ZNF208: variants seen among roughly 807,000 people sequenced by gnomAD.
ZNF208 encodes zinc finger protein 95.
A neutral mutation model predicts 12.1 loss-of-function variants in ZNF208; 10 were observed. The ratio of observed to expected loss-of-function variants is 0.83; its 90% confidence interval spans 0.51 to 1.40. The LOEUF (loss-of-function observed/expected upper bound fraction) is 1.40. ZNF208 is among the 40% of genes most tolerant of loss of function. ZNF208 has a pLI of 0.00. For missense variants in ZNF208, 1,652 were observed against 1,485.0 expected (o/e 1.11, Z -1.85); for synonymous variants, 497 against 488.4 (o/e 1.02, Z -0.23).
chr19:22,000,849 T>TA (rs531039337), intron 1 of ZNF208, among the ~76,000 whole-genome samples: 2 of 151,118 alleles, frequency 1.3e-5, no homozygotes, highest in Admixed American at 6.6e-5. Context: ...CAATTAGAAA[T>TA]AAAAAAAAGA....
intron 4 of ZNF208, among the ~76,000 whole-genome samples, chr19:21,948,441 G>A (rs2145514071): frequency 6.6e-6 from 1 of 152,226 alleles, no homozygotes; most frequent in South Asian, 2.1e-4. Flanking sequence ...AAACCCTTGG[G>A]GAACCCTAAA....
At chr19:21,988,648 C>T (rs1463167206) in intron 2 of ZNF208, 135 bp downstream of exon 2, 3 of 1,549,154 alleles carry the variant, frequency 1.9e-6, no homozygotes, top group Non-Finnish European at 2.6e-6. Flanking sequence ...AGGCCCCTGA[C>T]CCCTTCTTCC....
At chr19:21,991,283 A>G (rs1970729107) in intron 1 of ZNF208, among the ~76,000 whole-genome samples, 2 of 152,190 alleles carry the variant, frequency 1.3e-5, no homozygotes, top group African/African-American at 2.4e-5. Context: ...GCATCCCATC[A>G]ATACCTAATT....
chr19:21,986,062 T>G (rs532901155), intron 3 of ZNF208, among the ~76,000 whole-genome samples: 1 of 152,274 alleles, frequency 6.6e-6, no homozygotes, highest in South Asian at 2.1e-4. Flanking sequence ...CTGAAACCAG[T>G]TTATAAAAAC....
chr19:21,947,511 C>T (rs1299677244), intron 4 of ZNF208, among the ~76,000 whole-genome samples: 1 of 152,182 alleles, frequency 6.6e-6, no homozygotes, highest in Non-Finnish European at 1.5e-5. Context: ...CTTGTCAATG[C>T]TCCCTCCAAA....
intron 3 of ZNF208, among the ~76,000 whole-genome samples, chr19:21,985,336 G>A (rs537755624): frequency 1.3e-5 from 2 of 152,154 alleles, no homozygotes; most frequent in Non-Finnish European, 2.9e-5. Context: ...CAGCAACATG[G>A]TACAGTAAGG....
chr19:21,973,398 T>A lies in ZNF208; in HGVS notation c.1636A>T (p.Ile546Phe), dbSNP rs758323037. The A allele has an allele frequency of 1.9e-6, 3 of 1,612,296 alleles. No individual in the cohort carries two copies. The highest frequency in any genetic ancestry group is 2.5e-6 in the Non-Finnish European group (3 of 1,179,880). Reference protein sequence around the residue: ...TFSILTKHKVIHTGEKPYKCE... With the variant: ...TFSILTKHKVFHTGEKPYKCE... ...TTGTAGGGTTTCTCTCCAGTATGAATTACCTTATGTTTAGTAAGGATTGAG... is the reference window on the plus strand; with the variant it reads ...TTGTAGGGTTTCTCTCCAGTATGAAATACCTTATGTTTAGTAAGGATTGAG... Residue 546 changes from isoleucine to phenylalanine, a missense_variant, in exon 4 of 4, where the codon ATT (isoleucine) becomes TTT (phenylalanine). By Grantham distance (21) the Ile-to-Phe change is conservative. Coordinates refer to ENST00000397126, the MANE Select transcript of ZNF208 (RefSeq NM_007153.3).
At position 21,974,739 on chromosome 19, in the gene ZNF208, T is replaced by C; in HGVS notation, c.295A>G (p.Ile99Val). The change falls in exon 4 of 4, where the codon ATA (isoleucine) becomes GTA (valine). Residue 99 changes from isoleucine (I) to valine (V), a missense_variant. By Grantham distance (29) the Ile-to-Val change is conservative. This residue lies in a region of ZNF208 where 410 missense variants were observed against 378.2 expected (regional missense o/e 1.08). Coordinates refer to ENST00000397126, the MANE Select transcript of ZNF208 (RefSeq NM_007153.3). Reference protein sequence around the residue: ...QGIEDSFQKVILRRYEKCGHE... With the variant: ...QGIEDSFQKVVLRRYEKCGHE... ...CCACATTTTTCATACCTTCTCAATATCACTTTTTGGAAAGAATCTTCTATG... is the reference window on the plus strand; with the variant it reads ...CCACATTTTTCATACCTTCTCAATACCACTTTTTGGAAAGAATCTTCTATG... 1.9e-6 allele frequency: 3 copies of C among 1,611,770 alleles called. No individual in the cohort carries two copies. The highest frequency in any genetic ancestry group is 2.5e-6 in the Non-Finnish European group (3 of 1,179,042).
chr19:21,984,356 C>T (rs1970597121), intron 3 of ZNF208, among the ~76,000 whole-genome samples: 1 of 152,202 alleles, frequency 6.6e-6, no homozygotes, highest in Non-Finnish European at 1.5e-5. Flanking sequence ...AGATCAAGAC[C>T]ATTCTGGCCA....
Position 21,972,149 on chromosome 19 carries a change from T to C in ZNF208, c.2885A>G (p.Tyr962Cys), listed in dbSNP as rs762554078. The part of the protein sequence containing the change: ...KAYKSSSTLS[Y>C]HKKIHTEEKP... ...CTCTTCAGTATGAATTTTCTTATGA[T>C]AACTAAGGGTTGAGGATGACTTATA... The change falls in exon 4 of 4, where the codon TAT becomes TGT. Residue 962 changes from tyrosine to cysteine, a missense_variant. Around this residue, in one of 3 missense-constraint regions of ZNF208, gnomAD observed 1,239 missense variants for 1,086.2 expected, o/e 1.14. Transcript: ENST00000397126. 3.1e-6 allele frequency: 5 copies of C among 1,610,804 alleles called. No homozygotes were observed. The highest frequency in any genetic ancestry group is 1.3e-5 in the African/African-American group (1 of 74,770).
chr19:21,940,999 G>A (rs938011997), intron 4 of ZNF208: 46 of 203,802 alleles, frequency 2.3e-4, no homozygotes, highest in African/African-American at 9.9e-4. Context: ...CTGCTGCGGC[G>A]GTTCCTGCTG....
rs777028606 is a variant in ZNF208 at position 21,974,589 on chromosome 19, TG to T, written c.444del (p.Lys149AsnfsTer17). Reference protein sequence around the residue: ...TTTQSKVFQRGKYANVFHKCS... With the variant: ...TTTQSKVFQRXKYANVFHKCS... ...CATTTATGAAAGACATTTGCATATTTGCCACGTTGAAATACTTTGCTCTGTG... is the reference window on the plus strand; with the variant it reads ...CATTTATGAAAGACATTTGCATATTTCCACGTTGAAATACTTTGCTCTGTG... On this transcript the variant is annotated frameshift_variant, in exon 4 of 4. Coordinates refer to ENST00000397126, the MANE Select transcript of ZNF208 (RefSeq NM_007153.3). LOFTEE classifies it low-confidence loss of function (END_TRUNC). The T allele has an allele frequency of 5.0e-6, 8 of 1,613,632 alleles. No homozygotes were observed. The Admixed American group carries it at 1.2e-4, about 24-fold the overall frequency.
In ZNF208 at chr19:21,972,938, C is replaced by G. The variant is rs775492257; in HGVS notation, c.2096G>C (p.Gly699Ala). ...GEKPYKCEEC[G>A]KAFNWSSNLM... ...GTTTGAGGACCAGTTGAAAGCTTTG[C>G]CACATTCTTCACATTTGTAGGGTTT... The change falls in exon 4 of 4, where the codon GGC (glycine) becomes GCC (alanine). Residue 699 changes from glycine to alanine, a missense_variant. Around this residue, in one of 3 missense-constraint regions of ZNF208, gnomAD observed 1,239 missense variants for 1,086.2 expected, o/e 1.14. Coordinates refer to ENST00000397126, the MANE Select transcript of ZNF208 (RefSeq NM_007153.3). The G allele has an allele frequency of 7.4e-6, 12 of 1,613,620 alleles. No individual in the cohort carries two copies. The Admixed American group carries it at 1.8e-4, about 25-fold the overall frequency.
chr19:21,947,035 G>A (rs902497380), intron 4 of ZNF208, among the ~76,000 whole-genome samples: 1 of 150,332 alleles, frequency 6.7e-6, no homozygotes, highest in African/African-American at 2.5e-5. Flanking sequence ...TGTTGTGAAT[G>A]TTTTTACAGC....
In ZNF208 at chr19:21,972,607, T is replaced by G. The variant is rs753531779; in HGVS notation, c.2427A>C (p.Glu809Asp). Residue 809 changes from glutamate (E) to aspartate (D), a missense_variant, in exon 4 of 4, where the codon GAA (glutamate) becomes GAC (aspartate). Glu to Asp is a conservative substitution (Grantham distance 45). Around this residue, in one of 3 missense-constraint regions of ZNF208, gnomAD observed 1,239 missense variants for 1,086.2 expected, o/e 1.14. Coordinates refer to ENST00000397126, the MANE Select transcript of ZNF208 (RefSeq NM_007153.3). The stretch of plus-strand genomic sequence containing the variant: ...AGACCTTACTAAAGGTTTTGCCACA[T>G]TCTTCACATTTGTAGGGTTTCTCAT... ...HTDEKPYKCEECGKTFSKVST... is the reference protein window; with the variant it reads ...HTDEKPYKCEDCGKTFSKVST... 1.5e-5 allele frequency: 24 copies of G among 1,613,550 alleles called. No individual in the cohort carries two copies. The highest frequency in any genetic ancestry group is 2.0e-5 in the Non-Finnish European group (24 of 1,179,902).
At chr19:21,959,093 A>G (rs1191438280) in intron 4 of ZNF208, among the ~76,000 whole-genome samples, 1 of 152,138 alleles carries the variant, frequency 6.6e-6, no homozygotes, top group Non-Finnish European at 1.5e-5. Context: ...TAAAAAAAAA[A>G]AGGAACTAAT....
At position 21,967,135 on chromosome 19, in the gene ZNF208, A is replaced by G. The variant is rs1479288443; in HGVS notation, c.*4056T>C. 1 of 151,920 alleles carries G rather than the reference A, an allele frequency of 6.6e-6. No individual in the cohort carries two copies. The highest frequency in any genetic ancestry group is 1.5e-5 in the Non-Finnish European group (1 of 67,990). The allele number at this position is 151,920 out of a possible 1,614,324, so 9.4% of individuals were successfully genotyped here. On this transcript the variant is annotated 3_prime_UTR_variant, in exon 4 of 4. Coordinates refer to ENST00000397126, the MANE Select transcript of ZNF208 (RefSeq NM_007153.3). The stretch of plus-strand genomic sequence containing the variant: ...TAGATGTTAGTCATAAATTCTTTAC[A>G]GAGGCCAGTATTATCTAAGTGTTAT...
rs774831444 is a variant in ZNF208 at position 21,974,505 on chromosome 19, C to A, written c.529G>T (p.Glu177Ter). 1.3e-5 allele frequency: 21 copies of A among 1,613,512 alleles called. No individual in the cohort carries two copies. Among genetic ancestry groups the A allele is most frequent in the Non-Finnish European group, 1.7e-5 (20 of 1,179,726 alleles). Reference protein sequence around the residue: ...HTGKKHLQCKEYVRSFCMLSH... With the variant: ...HTGKKHLQCK ...AGCATGCAAAATGATCTGACGTATT[C>A]TTTACATTGCAAATGTTTCTTTCCA... The change falls in exon 4 of 4, where the codon GAA becomes TAA. Residue 177 changes from glutamate (E) to a stop codon, truncating the protein, a stop_gained. Coordinates refer to ENST00000397126, the MANE Select transcript of ZNF208 (RefSeq NM_007153.3). LOFTEE classifies it low-confidence loss of function (END_TRUNC).
chr19:21,977,684 CT>C (rs976580129), intron 3 of ZNF208, among the ~76,000 whole-genome samples: 10 of 152,180 alleles, frequency 6.6e-5, no homozygotes, highest in South Asian at 2.1e-4. Context: ...CTGCAGGAGG[CT>C]TTTTTTCCCC....
Sources: allele counts gnomAD v4.1 joint callset (sites outside exome capture counted in the v4.1 genomes callset), GRCh38; gene constraint gnomAD v4.1.1; regional missense constraint gnomAD v4.1.1; transcripts MANE v1.5; gene names NCBI Gene and HGNC (gene_info 2026-07-23, HGNC 2026-07-21).